The following CYP27A1 variants were observed in gnomAD, a reference collection of about 807,000 sequenced individuals.
CYP27A1 encodes sterol 26-hydroxylase, mitochondrial.
Under a neutral mutation model 58.2 loss-of-function variants are expected in CYP27A1, and 46 were observed. That is an observed-to-expected ratio of 0.79 (90% confidence interval 0.62 to 1.01). CYP27A1 has a LOEUF of 1.01. Ranked by LOEUF, CYP27A1 falls within the 50% of genes least tolerant of loss-of-function variation. The pLI, the probability that CYP27A1 is intolerant of heterozygous loss-of-function variation, is 0.00. For missense variants in CYP27A1, 704 were observed against 687.0 expected, an observed-to-expected ratio of 1.02 and a Z score of -0.28; for synonymous variants, 274 against 285.1, an observed-to-expected ratio of 0.96 and a Z score of 0.39.
At chr2:218,812,828 C>T in intron 4 of CYP27A1, 79 bp downstream of exon 4, 5 of 1,606,966 alleles carry the variant, frequency 3.1e-6, no homozygotes, top group Non-Finnish European at 4.3e-6. Context: ...TCTCCCAGGC[C>T]TTTTCCCTCA....
intron 2 of CYP27A1, among the ~76,000 whole-genome samples, chr2:218,810,018 C>T (rs1476010853): frequency 6.6e-6 from 1 of 152,294 alleles, no homozygotes; most frequent in Non-Finnish European, 1.5e-5. Context: ...AAAAACCACA[C>T]CTGTAATCCC....
At chr2:218,814,245 G>A (rs774575679) in intron 6 of CYP27A1, 58 bp downstream of exon 6, 11 of 1,611,404 alleles carry the variant, frequency 6.8e-6, no homozygotes, top group African/African-American at 2.7e-5. Flanking sequence ...GGGAATCAGA[G>A]GAGGAAATCT....
chr2:218,812,826 G>A lies in CYP27A1; in HGVS notation c.844+77G>A, dbSNP rs1333268372. The A allele has an allele frequency of 5.6e-6, 9 of 1,604,952 alleles. No homozygotes were observed. The East Asian group carries it at 1.8e-4, about 32-fold the overall frequency. On this transcript the variant is annotated intron_variant, in intron 4 of 8. Coordinates refer to ENST00000258415, the MANE Select transcript of CYP27A1 (RefSeq NM_000784.4). ...TCTGTGCATCAGCGGTCTCTCCCAG[G>A]CCTTTTCCCTCATGCTACCAGTTGT...
chr2:218,787,089 C>T (rs1339176332), intron 1 of CYP27A1, among the ~76,000 whole-genome samples: 5 of 152,180 alleles, frequency 3.3e-5, no homozygotes, highest in African/African-American at 1.2e-4. Context: ...CTGTACCTGG[C>T]CATCATGTAT....
intron 1 of CYP27A1, among the ~76,000 whole-genome samples, chr2:218,791,491 T>C (rs1575198850): frequency 6.6e-6 from 1 of 152,108 alleles, no homozygotes; most frequent in African/African-American, 2.4e-5. Context: ...AAAGAAAAAA[T>C]TGAAAGATAA....
In CYP27A1 at chr2:218,812,543, A is replaced by G. The variant is rs1943729562; in HGVS notation, c.647-9A>G. 6.2e-7 allele frequency: 1 copy of G among 1,614,118 alleles called. No individual in the cohort carries two copies. Among genetic ancestry groups the G allele is most frequent in the East Asian group, 2.2e-5 (1 of 44,888 alleles). On this transcript the variant is annotated splice_polypyrimidine_tract_variant and intron_variant, in intron 3 of 8. Transcript: ENST00000258415. ...CTGCCTCCTGTGATGGCCTCTGTGC[A>G]CTACTCAGCTATTTGCTACATCCTG...
Position 218,809,695 on chromosome 2 carries a change from C to G in CYP27A1, c.374C>G (p.Pro125Arg), listed in dbSNP as rs771683428. ...GTGATGCGGCAAGAGGGCAAGTACCCAGTACGGAACGACATGGAGCTATGG... is the reference window on the plus strand; with the variant it reads ...GTGATGCGGCAAGAGGGCAAGTACCGAGTACGGAACGACATGGAGCTATGG... ...EQVMRQEGKY[P>R]VRNDMELWKE... The change falls in exon 2 of 9, where the codon CCA becomes CGA. Residue 125 changes from proline to arginine, a missense_variant. Coordinates refer to ENST00000258415, the MANE Select transcript of CYP27A1 (RefSeq NM_000784.4). The G allele has an allele frequency of 1.2e-6, 2 of 1,614,142 alleles. No individual in the cohort carries two copies. The highest frequency in any genetic ancestry group is 2.2e-5 in the South Asian group (2 of 91,084).
At chr2:218,799,680 T>G (rs566396409) in intron 1 of CYP27A1, among the ~76,000 whole-genome samples, 188 of 152,214 alleles carry the variant, frequency 1.2e-3, no homozygotes, top group African/African-American at 4.2e-3. Flanking sequence ...AATAAATCTT[T>G]CCCTATATAC....
In CYP27A1 at chr2:218,812,270, G is replaced by A; in HGVS notation, c.495G>A (p.Leu165=). The change falls in exon 3 of 9, where the codon TTG becomes TTA. Residue 165 remains leucine (L), a synonymous_variant. Coordinates refer to ENST00000258415, the MANE Select transcript of CYP27A1 (RefSeq NM_000784.4). ...TGCGCCAGGCTCTGAACCAGCGGTT[G>A]CTGAAGCCAGCGGAAGCAGCGCTCT... The part of the protein sequence containing the change: ...YQLRQALNQR[L]LKPAEAALYT... 1 of 1,614,214 alleles carries A rather than the reference G, an allele frequency of 6.2e-7. No individual in the cohort carries two copies. Among genetic ancestry groups the A allele is most frequent in the South Asian group, 1.1e-5 (1 of 91,082 alleles).
intron 1 of CYP27A1, among the ~76,000 whole-genome samples, chr2:218,809,049 T>G (rs1003706504): frequency 1.2e-4 from 18 of 152,178 alleles, no homozygotes; most frequent in Non-Finnish European, 2.6e-4. Flanking sequence ...ACTTACTTAT[T>G]TTTGGACCCT....
Position 218,806,590 on chromosome 2 carries a change from A to G in CYP27A1, c.256-2987A>G, listed in dbSNP as rs192162256. ...GGTTTTAAAATAGTACACGCTTTTC[A>G]AGGGCCTACGTTTGTTTCCAGTTAG... On this transcript the variant is annotated intron_variant, in intron 1 of 8. Coordinates refer to ENST00000258415, the MANE Select transcript of CYP27A1 (RefSeq NM_000784.4). Among the ~76,000 whole-genome samples, 212 of 152,360 alleles carry G rather than the reference A, an allele frequency of 1.4e-3. 1 individual carries two copies. Among genetic ancestry groups the G allele is most frequent in the Non-Finnish European group, 8.7e-4 (59 of 68,034 alleles).
In CYP27A1 at chr2:218,812,596, C is replaced by T. The variant is rs72551315; in HGVS notation, c.691C>T (p.Arg231Ter). ...LFEKRIGCLQ[R>*]SIPEDTVTFV... ...CGAGAAACGCATTGGCTGCCTGCAG[C>T]GATCCATCCCCGAGGACACCGTGAC... The change falls in exon 4 of 9, where the codon CGA becomes TGA. Residue 231 changes from arginine (R) to a stop codon, truncating the protein, a stop_gained. Transcript: ENST00000258415. LOFTEE classifies it high-confidence loss of function. The T allele has an allele frequency of 5.6e-6, 9 of 1,614,076 alleles. No individual in the cohort carries two copies. Among genetic ancestry groups the T allele is most frequent in the East Asian group, 2.2e-5 (1 of 44,890 alleles).
intron 2 of CYP27A1, among the ~76,000 whole-genome samples, chr2:218,810,256 G>A (rs1943698610): frequency 6.6e-6 from 1 of 151,726 alleles, no homozygotes; most frequent in South Asian, 2.1e-4. Flanking sequence ...TCCAGCCTGG[G>A]CAACAGAGTG....
In CYP27A1 at chr2:218,782,405, C is replaced by G. The variant is rs745513715; in HGVS notation, c.223C>G (p.Gln75Glu). The change falls in exon 1 of 9, where the codon CAA becomes GAA. Residue 75 changes from glutamine (Q) to glutamate (E), a missense_variant. Gln to Glu is a conservative substitution (Grantham distance 29). Coordinates refer to ENST00000258415, the MANE Select transcript of CYP27A1 (RefSeq NM_000784.4). The surrounding 1 kb of genome is among the most constrained non-coding windows in gnomAD (Gnocchi z 4.1). ...QLRFFFQLFV[Q>E]GYALQLHQLQ... ...GCGCTTCTTCTTTCAGCTGTTCGTT[C>G]AAGGCTATGCCCTGCAACTGCACCA... The G allele has an allele frequency of 9.9e-6, 16 of 1,614,092 alleles. No homozygotes were observed. The highest frequency in any genetic ancestry group is 3.3e-4 in the Middle Eastern group (2 of 6,082).
chr2:218,809,459 TTTTTTG>T, intron 1 of CYP27A1, 112 bp from the exon 2 acceptor site: 6 of 491,282 alleles, frequency 1.2e-5, no homozygotes, highest in East Asian at 1.2e-4. Flanking sequence ...TTTTTTTTTT[TTTTTTG>T]CCCAGCTCAT....
chr2:218,810,621 T>C (rs565954456), intron 2 of CYP27A1, among the ~76,000 whole-genome samples: 2 of 152,336 alleles, frequency 1.3e-5, no homozygotes, highest in East Asian at 3.9e-4. Context: ...TATGAAGCAT[T>C]GTTTCCTCCA....
intron 1 of CYP27A1, among the ~76,000 whole-genome samples, chr2:218,785,072 T>C (rs1943428885): frequency 6.6e-6 from 1 of 152,234 alleles, no homozygotes; most frequent in Non-Finnish European, 1.5e-5. Flanking sequence ...CACCATAATG[T>C]GGAATCAGTG....
Position 218,789,304 on chromosome 2 carries a change from C to T in CYP27A1, c.255+6867C>T, listed in dbSNP as rs188931871. Among the ~76,000 whole-genome samples, 13 of 152,216 alleles carry T rather than the reference C, an allele frequency of 8.5e-5. No individual in the cohort carries two copies. The South Asian group carries it at 1.9e-3, about 22-fold the overall frequency. ...ATTGCTTGCTAAGAGATGGAAAGAA[C>T]GTGTTGAAAAAGAAAAACTTTAGCT... On this transcript the variant is annotated intron_variant, in intron 1 of 8. Coordinates refer to ENST00000258415, the MANE Select transcript of CYP27A1 (RefSeq NM_000784.4).
Position 218,812,957 on chromosome 2 carries a change from T to C in CYP27A1, c.878T>C (p.Met293Thr), listed in dbSNP as rs368735609. ...CTGATTGATGAGAAGCTCGAAGATATGGAGGCCCAACTGCAGGCAGCAGGG... is the reference window on the plus strand; with the variant it reads ...CTGATTGATGAGAAGCTCGAAGATACGGAGGCCCAACTGCAGGCAGCAGGG... ...KKLIDEKLED[M>T]EAQLQAAGPD... The change falls in exon 5 of 9, where the codon ATG (methionine) becomes ACG (threonine). Residue 293 changes from methionine (M) to threonine (T), a missense_variant. Transcript: ENST00000258415. 1.7e-5 allele frequency: 28 copies of C among 1,614,094 alleles called. No homozygotes were observed. In the African/African-American group the frequency reaches 2.7e-4, roughly 15 times the overall value.
Sources: gnomAD v4.1 joint callset for allele counts (sites outside exome capture counted in the v4.1 genomes callset) on GRCh38, gnomAD v4.1.1 for gene constraint, Gnocchi (gnomAD v3.1) non-coding constraint, MANE v1.5 for transcripts, NCBI Gene and HGNC (gene_info 2026-07-23, HGNC 2026-07-21) for gene names.